SEC23IP: variants seen among roughly 807,000 people sequenced by gnomAD.
The protein encoded by SEC23IP is SEC23-interacting protein.
In SEC23IP, 70 loss-of-function variants were observed where a neutral mutation model predicts 113.4. The observed-to-expected ratio is 0.62, with a 90% CI of 0.51 to 0.75. SEC23IP has a LOEUF of 0.75. Ranked by LOEUF, SEC23IP falls within the 30% of genes least tolerant of loss-of-function variation. SEC23IP has a pLI of 0.00. For synonymous variants in SEC23IP, 398 were observed against 421.0 expected (o/e 0.95, Z 0.67); for missense variants, 1,160 against 1,204.9 (o/e 0.96, Z 0.55).
chr10:119,917,968 A>T lies in SEC23IP; in HGVS notation c.1677A>T (p.Ile559=). The T allele has an allele frequency of 3.1e-6, 5 of 1,614,068 alleles. No homozygotes were observed. The highest frequency in any genetic ancestry group is 3.4e-6 in the Non-Finnish European group (4 of 1,179,904). The change falls in exon 9 of 19, where the codon ATA becomes ATT. Residue 559 remains isoleucine (I), a synonymous_variant. Coordinates refer to ENST00000369075, the MANE Select transcript of SEC23IP (RefSeq NM_007190.4). ...QTIVEKVGME[I]NHLHALFMSR... is the part of the protein sequence containing the mutation. Reference sequence around the variant, plus strand: ...TTGTGGAAAAAGTAGGAATGGAGATAAACCATCTGCATGCACTCTTTATGA... The same window carrying T: ...TTGTGGAAAAAGTAGGAATGGAGATTAACCATCTGCATGCACTCTTTATGA...
At chr10:119,907,505 C>T (rs1854713877) in intron 4 of SEC23IP, among the ~76,000 whole-genome samples, 1 of 152,098 alleles carries the variant, frequency 6.6e-6, no homozygotes, top group Non-Finnish European at 1.5e-5. Context: ...GCCAGAGGCT[C>T]CCTCTTACTT....
chr10:119,938,802 G>C (rs367550172), intron 18 of SEC23IP, among the ~76,000 whole-genome samples: 1 of 152,040 alleles, frequency 6.6e-6, no homozygotes, highest in Admixed American at 6.5e-5. Context: ...CATATGATTC[G>C]TTCACTATAA....
intron 6 of SEC23IP, among the ~76,000 whole-genome samples, chr10:119,913,333 C>A (rs967288682): frequency 1.3e-5 from 2 of 152,158 alleles, no homozygotes; most frequent in Non-Finnish European, 1.5e-5. Context: ...GGTTTGTATT[C>A]CTCTGGTGCG....
At chr10:119,895,133 C>T (rs1474274560) in intron 1 of SEC23IP, among the ~76,000 whole-genome samples, 1 of 152,192 alleles carries the variant, frequency 6.6e-6, no homozygotes, top group East Asian at 1.9e-4. Flanking sequence ...CCTGTAATCC[C>T]AGCACTTTGT....
chr10:119,899,271 G>A (rs560485331), intron 2 of SEC23IP, among the ~76,000 whole-genome samples: 12 of 152,258 alleles, frequency 7.9e-5, no homozygotes, highest in African/African-American at 1.9e-4. Flanking sequence ...GAATTGAAGC[G>A]GTTATTGTCT....
chr10:119,931,259 G>C (rs1481317974), intron 15 of SEC23IP, among the ~76,000 whole-genome samples: 1 of 128,176 alleles, frequency 7.8e-6, no homozygotes, highest in Non-Finnish European at 1.6e-5. Flanking sequence ...CAGTCTCCGA[G>C]AGACTCCGTC....
chr10:119,899,263 A>G (rs1180902921), intron 2 of SEC23IP, among the ~76,000 whole-genome samples: 1 of 152,242 alleles, frequency 6.6e-6, no homozygotes, highest in Non-Finnish European at 1.5e-5. Context: ...ACATAGGAGA[A>G]TTGAAGCGGT....
Position 119,932,210 on chromosome 10 carries a change from AC to A in SEC23IP, c.2651del (p.Thr884AsnfsTer2). ...TAGCTCTCTCAAAAGTGCTTGGCAG[AC>A]ATTAAATGAGTTTGCCCGTGCTCAT... ...FISSLKSAWQ[T>X]LNEFARAHTS... On this transcript the variant is annotated frameshift_variant, in exon 16 of 19. Transcript: ENST00000369075. LOFTEE classifies it high-confidence loss of function. 6.2e-7 allele frequency: 1 copy of A among 1,613,384 alleles called. No individual in the cohort carries two copies. Among genetic ancestry groups the A allele is most frequent in the Non-Finnish European group, 8.5e-7 (1 of 1,179,316 alleles).
chr10:119,942,592 G>A lies in SEC23IP; in HGVS notation c.*2027G>A, dbSNP rs1257950803. ...CTCCCAGCCCCTAATCTGGTTTAAT[G>A]CCCTCCTTTTCCCCAGATAAAGAAA... On this transcript the variant is annotated 3_prime_UTR_variant, in exon 19 of 19. Transcript: ENST00000369075. 1 of 152,046 alleles carries A rather than the reference G, an allele frequency of 6.6e-6. No homozygotes were observed. The highest frequency in any genetic ancestry group is 1.5e-5 in the Non-Finnish European group (1 of 68,016). The allele number at this position is 152,046 out of a possible 1,614,324, so 9.4% of individuals were successfully genotyped here. A position where few individuals can be genotyped will look rare whatever the true frequency, so the allele number is the denominator to read the frequency against.
intron 1 of SEC23IP, among the ~76,000 whole-genome samples, chr10:119,896,008 T>A (rs1053673611): frequency 6.6e-6 from 1 of 152,224 alleles, no homozygotes; most frequent in African/African-American, 2.4e-5. Context: ...TCAGAAAGAC[T>A]GGAGTTTTCT....
intron 12 of SEC23IP, among the ~76,000 whole-genome samples, chr10:119,922,721 G>A (rs1564919333): frequency 6.6e-6 from 1 of 152,220 alleles, no homozygotes; most frequent in African/African-American, 2.4e-5. Context: ...TTGATTAAGT[G>A]CTGAGAAAGG....
At chr10:119,918,542 G>A (rs1287886616) in intron 10 of SEC23IP, 31 bp downstream of exon 10, 5 of 1,229,206 alleles carry the variant, frequency 4.1e-6, no homozygotes, top group Admixed American at 1.7e-5. Context: ...TTAACATTTC[G>A]ATTTAGAGTC....
Position 119,917,904 on chromosome 10 carries a change from A to G in SEC23IP, c.1613A>G (p.Asp538Gly). The G allele has an allele frequency of 6.2e-7, 1 of 1,614,098 alleles. No homozygotes were observed. The highest frequency in any genetic ancestry group is 8.5e-7 in the Non-Finnish European group (1 of 1,179,974). ...CACTTTACCAATGAAACTTTGCTAGATATTTTATTTTATAACAGCCCCACC... is the reference window on the plus strand; with the variant it reads ...CACTTTACCAATGAAACTTTGCTAGGTATTTTATTTTATAACAGCCCCACC... ...FRHFTNETLL[D>G]ILFYNSPTYC... Residue 538 changes from aspartate to glycine, a missense_variant, in exon 9 of 19, where the codon GAT becomes GGT. Physicochemically the swap from Asp to Gly is moderately conservative, Grantham distance 94. Transcript: ENST00000369075.
intron 7 of SEC23IP, 54 bp downstream of exon 7, chr10:119,914,873 G>A (rs1219874630): frequency 2.0e-6 from 3 of 1,501,066 alleles, no homozygotes; most frequent in African/African-American, 1.4e-5. Context: ...TAATAGAAGA[G>A]CTTTGGAGTA....
chr10:119,912,076 A>G lies in SEC23IP; in HGVS notation c.1224A>G (p.Pro408=). ...VIVQFQPSSV[P]DEWGTTQDGQ... ...TTCAGTTCCAGCCCTCCTCAGTGCC[A>G]GATGAATGGGGCACCACGCAAGATG... The change falls in exon 6 of 19, where the codon CCA becomes CCG. Residue 408 remains proline (P), a synonymous_variant. Coordinates refer to ENST00000369075, the MANE Select transcript of SEC23IP (RefSeq NM_007190.4). 6.2e-7 allele frequency: 1 copy of G among 1,614,140 alleles called. No homozygotes were observed. The highest frequency in any genetic ancestry group is 8.5e-7 in the Non-Finnish European group (1 of 1,179,972).
intron 8 of SEC23IP, among the ~76,000 whole-genome samples, chr10:119,916,668 G>C (rs1465748722): frequency 6.6e-6 from 1 of 151,930 alleles, no homozygotes; most frequent in Non-Finnish European, 1.5e-5. Flanking sequence ...TGTTTTTTCT[G>C]TTTGATATTC....
chr10:119,914,441 A>C, intron 6 of SEC23IP: 1 of 379,268 alleles, frequency 2.6e-6, no homozygotes, highest in Non-Finnish European at 4.9e-6. Context: ...AAGCATCACA[A>C]GGTTGTGGAG....
At chr10:119,894,447 A>G (rs1290643248) in intron 1 of SEC23IP, among the ~76,000 whole-genome samples, 1 of 152,252 alleles carries the variant, frequency 6.6e-6, no homozygotes, top group South Asian at 2.1e-4. Flanking sequence ...ACATGTACAC[A>G]TATTTGTTTA....
Position 119,930,111 on chromosome 10 carries a change from C to G in SEC23IP, c.2470-218C>G, listed in dbSNP as rs1338307685. Among the ~76,000 whole-genome samples the G allele has an allele frequency of 9.2e-5, 14 of 152,164 alleles. 1 individual carries two copies. ...CACTTTCCAATAAACTTATCAAAAGCCTTTGTTCAGGGAAATAATTCTTTT... is the reference window on the plus strand; with the variant it reads ...CACTTTCCAATAAACTTATCAAAAGGCTTTGTTCAGGGAAATAATTCTTTT... On this transcript the variant is annotated intron_variant, in intron 14 of 18. Transcript: ENST00000369075.
Sources: allele counts gnomAD v4.1 joint callset (sites outside exome capture counted in the v4.1 genomes callset), GRCh38; gene constraint gnomAD v4.1.1; transcripts MANE v1.5; gene names NCBI Gene and HGNC (gene_info 2026-07-23, HGNC 2026-07-21).